The following CNTNAP2 variants were observed in gnomAD, a reference collection of about 807,000 sequenced individuals.
The protein encoded by CNTNAP2 is contactin-associated protein-like 2.
A neutral mutation model predicts 155.2 loss-of-function variants in CNTNAP2; 98 were observed. The ratio of observed to expected loss-of-function variants is 0.63; its 90% CI spans 0.54 to 0.75. The LOEUF (loss-of-function observed/expected upper bound fraction) is 0.75, where lower values mean the gene tolerates loss of function less well. CNTNAP2 is among the 30% of genes least tolerant of loss of function. The pLI, the probability that CNTNAP2 is intolerant of heterozygous loss-of-function variation, is 0.00. For missense variants in CNTNAP2, 1,727 were observed against 1,688.1 expected, an observed-to-expected ratio of 1.02 and a Z score of -0.40; for synonymous variants, 651 against 631.2, an observed-to-expected ratio of 1.03 and a Z score of -0.47.
In CNTNAP2 at chr7:146,135,423, C is replaced by T. The variant is rs183590171; in HGVS notation, c.97+18450C>T. 1.1e-4 allele frequency among the ~76,000 whole-genome samples: 16 copies of T among 152,094 alleles called. No homozygotes were observed. In the East Asian group the frequency reaches 2.3e-3, roughly 22 times the overall value. On this transcript the variant is annotated intron_variant, in intron 1 of 23. Transcript: ENST00000361727. Reference sequence around the variant, plus strand: ...TTATGAGAGAATAAAACTAGATTATCTCTAAAATCCATTCCAGTTTTTAAA... The same window carrying T: ...TTATGAGAGAATAAAACTAGATTATTTCTAAAATCCATTCCAGTTTTTAAA...
At chr7:146,640,812 T>C (rs1330174136) in intron 1 of CNTNAP2, among the ~76,000 whole-genome samples, 1 of 152,130 alleles carries the variant, frequency 6.6e-6, no homozygotes, top group Non-Finnish European at 1.5e-5. Context: ...GTTGATTTTC[T>C]GCAAAGGAAA....
At chr7:147,151,548 G>A (rs1243295285) in intron 8 of CNTNAP2, among the ~76,000 whole-genome samples, 3 of 151,972 alleles carry the variant, frequency 2.0e-5, no homozygotes, top group Non-Finnish European at 4.4e-5. Context: ...TCTTGTTTGG[G>A]CAATTCAGGC....
chr7:147,794,354 T>A (rs952507177), intron 13 of CNTNAP2, among the ~76,000 whole-genome samples: 2 of 152,024 alleles, frequency 1.3e-5, no homozygotes, highest in African/African-American at 4.8e-5. Context: ...TGAGTGTTTC[T>A]ATCATTAAAG....
At chr7:148,210,002 T>G (rs1352407540) in intron 18 of CNTNAP2, among the ~76,000 whole-genome samples, 1 of 152,208 alleles carries the variant, frequency 6.6e-6, no homozygotes, top group East Asian at 1.9e-4. Context: ...AATTATTAAC[T>G]TAAATGTAAT....
intron 3 of CNTNAP2, among the ~76,000 whole-genome samples, chr7:146,882,447 G>T (rs1795570786): frequency 6.6e-6 from 1 of 152,058 alleles, no homozygotes; most frequent in Non-Finnish European, 1.5e-5. Flanking sequence ...GTTCCGCCAT[G>T]CTGTTCTCAT....
chr7:146,206,279 A>G (rs1798945427), intron 1 of CNTNAP2, among the ~76,000 whole-genome samples: 1 of 151,964 alleles, frequency 6.6e-6, no homozygotes, highest in Admixed American at 6.6e-5. Context: ...TTGGCCTTGA[A>G]TAAATTGCTA....
chr7:147,010,873 T>C (rs901955857), intron 3 of CNTNAP2, among the ~76,000 whole-genome samples: 12 of 152,114 alleles, frequency 7.9e-5, no homozygotes, highest in African/African-American at 2.9e-4. Flanking sequence ...ATCTTCTAAA[T>C]GTACCTCCCC....
At chr7:147,714,546 A>G (rs1157946439) in intron 13 of CNTNAP2, among the ~76,000 whole-genome samples, 1 of 152,084 alleles carries the variant, frequency 6.6e-6, no homozygotes, top group African/African-American at 2.4e-5. Context: ...TATGCTAATT[A>G]TGAAATATTC....
At chr7:146,648,040 T>A (rs1354863208) in intron 1 of CNTNAP2, among the ~76,000 whole-genome samples, 1 of 152,102 alleles carries the variant, frequency 6.6e-6, no homozygotes, top group African/African-American at 2.4e-5. Context: ...TATAGTCATT[T>A]CCTCACCTGA....
At chr7:147,857,388 C>T (rs2116679498) in intron 13 of CNTNAP2, among the ~76,000 whole-genome samples, 1 of 152,270 alleles carries the variant, frequency 6.6e-6, no homozygotes, top group South Asian at 2.1e-4. Flanking sequence ...TAAATATCTA[C>T]ATATTACATG....
chr7:146,925,883 T>A (rs888570418), intron 3 of CNTNAP2, among the ~76,000 whole-genome samples: 6 of 152,108 alleles, frequency 3.9e-5, no homozygotes, highest in African/African-American at 1.2e-4. Flanking sequence ...AATTCAATTC[T>A]CAAGGTTAAG....
chr7:148,276,097 C>T (rs1472733114), intron 21 of CNTNAP2, among the ~76,000 whole-genome samples: 1 of 152,148 alleles, frequency 6.6e-6, no homozygotes, highest in Non-Finnish European at 1.5e-5. Context: ...CCTGCTTTGC[C>T]TGGGACAGAC....
At chr7:147,615,967 C>T (rs1226627410) in intron 12 of CNTNAP2, among the ~76,000 whole-genome samples, 1 of 152,066 alleles carries the variant, frequency 6.6e-6, no homozygotes, top group African/African-American at 2.4e-5. Context: ...ATTGGCTCTT[C>T]TATTTCCCAC....
intron 2 of CNTNAP2, among the ~76,000 whole-genome samples, chr7:146,784,504 TCAATG>T (rs776328707): frequency 2.6e-5 from 4 of 152,196 alleles, no homozygotes; most frequent in Non-Finnish European, 5.9e-5. Context: ...AATTAGCAAA[TCAATG>T]TATTTAAACA....
chr7:148,366,760 G>T (rs2116632299), intron 21 of CNTNAP2, among the ~76,000 whole-genome samples: 1 of 152,226 alleles, frequency 6.6e-6, no homozygotes, highest in African/African-American at 2.4e-5. Flanking sequence ...TTGCAGAAAG[G>T]CAACCATGCT....
At chr7:147,350,411 A>C (rs1795948911) in intron 9 of CNTNAP2, among the ~76,000 whole-genome samples, 2 of 152,024 alleles carry the variant, frequency 1.3e-5, no homozygotes, top group Middle Eastern at 6.8e-3. Context: ...GATTATTGAC[A>C]AGTTTACTTT....
chr7:147,337,738 C>G lies in CNTNAP2; in HGVS notation c.1498+37448C>G, dbSNP rs534892039. Reference sequence around the variant, plus strand: ...AAACAAATCCTATTTGAACCCTCTGCCATTTCTAGGATGAGCTTGCTCATT... The same window carrying G: ...AAACAAATCCTATTTGAACCCTCTGGCATTTCTAGGATGAGCTTGCTCATT... On this transcript the variant is annotated intron_variant, in intron 9 of 23. Transcript: ENST00000361727. Among the ~76,000 whole-genome samples, 23 of 152,188 alleles carry G rather than the reference C, an allele frequency of 1.5e-4. No individual in the cohort carries two copies. The East Asian group carries it at 3.5e-3, about 23-fold the overall frequency.
At chr7:148,392,365 C>A (rs986341048) in intron 22 of CNTNAP2, among the ~76,000 whole-genome samples, 2 of 152,204 alleles carry the variant, frequency 1.3e-5, no homozygotes, top group African/African-American at 4.8e-5. Context: ...AGCCACTGCG[C>A]CTGGCCACAG....
intron 13 of CNTNAP2, among the ~76,000 whole-genome samples, chr7:147,763,286 A>G (rs554703115): frequency 6.6e-6 from 1 of 151,458 alleles, no homozygotes; most frequent in African/African-American, 2.4e-5. Context: ...AAAAAAAAGA[A>G]TAAAGATCCA....
Sources: allele counts gnomAD v4.1 joint callset (sites outside exome capture counted in the v4.1 genomes callset), GRCh38; gene constraint gnomAD v4.1.1; transcripts MANE v1.5; gene names NCBI Gene and HGNC (gene_info 2026-07-23, HGNC 2026-07-21).